Variants in RCC2 observed in about 807,000 individuals in gnomAD.
RCC2 encodes regulator of chromosome condensation 2.
In RCC2, 19 loss-of-function variants were observed where a neutral mutation model predicts 64.1. That is an observed-to-expected ratio of 0.30 (90% CI 0.21 to 0.44). The LOEUF is 0.44. RCC2 is among the 20% of genes least tolerant of loss of function. RCC2 has a pLI of 1.00. For missense variants in RCC2, 508 were observed against 710.4 expected, an observed-to-expected ratio of 0.72 and a Z score of 3.24; for synonymous variants, 325 against 279.6, an observed-to-expected ratio of 1.16 and a Z score of -1.62.
At chr1:17,416,928 TACA>T (rs1209508726) in intron 7 of RCC2, among the ~76,000 whole-genome samples, 3 of 152,240 alleles carry the variant, frequency 2.0e-5, no homozygotes, top group East Asian at 1.9e-4. Context: ...GGCACCATGT[TACA>T]ACAATTCCAG....
rs1557629673 is a variant in RCC2, at chr1:17,425,528, G to GC, written c.523+12dup. 1 of 1,595,206 alleles carries GC rather than the reference G, an allele frequency of 6.3e-7. No homozygotes were observed. Among genetic ancestry groups the GC allele is most frequent in the Admixed American group, 1.7e-5 (1 of 58,486 alleles). ...CAGTGGTCCCCAGTGCCCAGCACCC[G>GC]CACGGTACTCACCCCAGCTCCACAG... On this transcript the variant is annotated intron_variant, in intron 4 of 12. Coordinates refer to ENST00000375436, the MANE Select transcript of RCC2 (RefSeq NM_018715.4).
Position 17,416,583 on chromosome 1 carries a change from A to G in RCC2, c.923T>C (p.Val308Ala). ...AQRIEYDCEL[V>A]PRRVAIFIEK... The stretch of plus-strand genomic sequence containing the variant: ...AATGAAGATGGCCACTCGCCGGGGA[A>G]CTAGTTCACAGTCGTACTCTATCCG... Residue 308 changes from valine (V) to alanine (A), a missense_variant, in exon 8 of 13, where the codon GTT (valine) becomes GCT (alanine). By Grantham distance (64) the Val-to-Ala change is moderately conservative. Coordinates refer to ENST00000375436, the MANE Select transcript of RCC2 (RefSeq NM_018715.4). 3 of 1,614,008 alleles carry G rather than the reference A, an allele frequency of 1.9e-6. No homozygotes were observed. Among genetic ancestry groups the G allele is most frequent in the Non-Finnish European group, 2.5e-6 (3 of 1,180,020 alleles).
chr1:17,416,941 G>C (rs763795389), intron 7 of RCC2, among the ~76,000 whole-genome samples: 2 of 152,170 alleles, frequency 1.3e-5, no homozygotes, highest in Non-Finnish European at 2.9e-5. Flanking sequence ...AACAATTCCA[G>C]GTAAGGTATT....
intron 6 of RCC2, among the ~76,000 whole-genome samples, chr1:17,421,124 G>A (rs2075551706): frequency 6.6e-6 from 1 of 151,974 alleles, no homozygotes. Flanking sequence ...CCACTAATTA[G>A]GCACTTAGCA....
At chr1:17,437,821 C>T (rs567295072) in intron 2 of RCC2, among the ~76,000 whole-genome samples, 313 of 144,796 alleles carry the variant, frequency 2.2e-3, no homozygotes, top group African/African-American at 7.5e-3. Context: ...CGGCCACGGA[C>T]GTGTGGGGCC....
chr1:17,431,493 C>T (rs2075680136), intron 2 of RCC2, among the ~76,000 whole-genome samples: 1 of 84,410 alleles, frequency 1.2e-5, no homozygotes, highest in Non-Finnish European at 2.3e-5. Flanking sequence ...AAAGCCAGCC[C>T]TGTCTCAAAA....
At chr1:17,424,872 C>T (rs1262761903) in intron 4 of RCC2, among the ~76,000 whole-genome samples, 6 of 152,122 alleles carry the variant, frequency 3.9e-5, no homozygotes, top group African/African-American at 9.7e-5. Context: ...ATGGGCCGGC[C>T]GGCTGCAGAG....
At chr1:17,431,355 A>ATAT (rs1354041881) in intron 2 of RCC2, among the ~76,000 whole-genome samples, 1 of 44,632 alleles carries the variant, frequency 2.2e-5, no homozygotes, top group Non-Finnish European at 4.4e-5. Flanking sequence ...AAAAAAAAAA[A>ATAT]AAAAATATAT....
chr1:17,421,230 C>T lies in RCC2; in HGVS notation c.745-402G>A, dbSNP rs114684915. ...AAAAAAAGACTGCCTATCTCCTGGG[C>T]GCGGTGGCTCACACCCAGCACTTTG... On this transcript the variant is annotated intron_variant, in intron 6 of 12. Transcript: ENST00000375436. 5.6e-3 allele frequency among the ~76,000 whole-genome samples: 849 copies of T among 151,988 alleles called. 3 individuals are homozygous for T. The highest frequency in any genetic ancestry group is 8.5e-3 in the Non-Finnish European group (575 of 67,962).
chr1:17,439,043 C>T (rs150958241), intron 1 of RCC2, among the ~76,000 whole-genome samples: 1 of 151,948 alleles, frequency 6.6e-6, no homozygotes, highest in African/African-American at 2.4e-5. Flanking sequence ...CACCCCGCAT[C>T]AGCCCTGGAC....
At chr1:17,418,640 A>G (rs1204220297) in intron 7 of RCC2, among the ~76,000 whole-genome samples, 1 of 151,962 alleles carries the variant, frequency 6.6e-6, no homozygotes, top group Non-Finnish European at 1.5e-5. Flanking sequence ...CTGGTGACAG[A>G]GCAAGACTCC....
rs1269433247 is a variant in RCC2, at chr1:17,413,662, C to T, written c.1082G>A (p.Arg361Gln). ...ATCCTTCTGCTCTGCGTGGCCCAGC[C>T]GGCCATAGCCACCAAAGCCCCAGGA... Reference protein sequence around the residue: ...VFSWGFGGYGRLGHAEQKDEM... With the variant: ...VFSWGFGGYGQLGHAEQKDEM... The change falls in exon 9 of 13, where the codon CGG becomes CAG. Residue 361 changes from arginine (R) to glutamine (Q), a missense_variant. By Grantham distance (43) the Arg-to-Gln change is conservative. This residue lies in a region of RCC2 where 179 missense variants were observed against 322.0 expected (regional missense o/e 0.56). Coordinates refer to ENST00000375436, the MANE Select transcript of RCC2 (RefSeq NM_018715.4). 1.9e-6 allele frequency: 3 copies of T among 1,614,132 alleles called. No homozygotes were observed. The highest frequency in any genetic ancestry group is 1.7e-5 in the Admixed American group (1 of 60,006).
chr1:17,428,202 C>A (rs1394689510), intron 3 of RCC2, among the ~76,000 whole-genome samples: 1 of 152,270 alleles, frequency 6.6e-6, no homozygotes, highest in Non-Finnish European at 1.5e-5. Context: ...GGGCACAGGA[C>A]TGGCAACAAG....
At chr1:17,426,759 CTTTTT>C (rs146347066) in intron 3 of RCC2, among the ~76,000 whole-genome samples, 3 of 110,028 alleles carry the variant, frequency 2.7e-5, no homozygotes, top group Admixed American at 2.0e-4. Flanking sequence ...TCTTACTTTT[CTTTTT>C]TTTTTTTTTT....
At chr1:17,414,701 G>A (rs570025480) in intron 8 of RCC2, among the ~76,000 whole-genome samples, 158 of 151,926 alleles carry the variant, frequency 1.0e-3, no homozygotes, top group Non-Finnish European at 1.6e-3. Context: ...GCACGATCAC[G>A]GCTCACCACA....
At chr1:17,423,523 C>A (rs1026404973) in intron 4 of RCC2, among the ~76,000 whole-genome samples, 2 of 152,234 alleles carry the variant, frequency 1.3e-5, no homozygotes, top group African/African-American at 4.8e-5. Context: ...CAGCGGAAGG[C>A]AGGCCTGAGG....
At chr1:17,416,325 G>C (rs1334292396) in intron 8 of RCC2, among the ~76,000 whole-genome samples, 155 bp downstream of exon 8, 1 of 152,078 alleles carries the variant, frequency 6.6e-6, no homozygotes, top group African/African-American at 2.4e-5. Flanking sequence ...TGGGACCAAG[G>C]ACCCTTTGGC....
chr1:17,437,700 C>T (rs1346619142), intron 2 of RCC2, among the ~76,000 whole-genome samples: 1 of 146,164 alleles, frequency 6.8e-6, no homozygotes, highest in Non-Finnish European at 1.5e-5. Context: ...TCAGGCCCCG[C>T]CCCCCCCGGG....
chr1:17,413,295 A>G, intron 9 of RCC2, 117 bp from the exon 10 acceptor site: 1 of 893,218 alleles, frequency 1.1e-6, no homozygotes, highest in South Asian at 1.5e-5. Context: ...TGTCTAAAAG[A>G]TAACTGGAGC....
Sources: allele counts gnomAD v4.1 joint callset (sites outside exome capture counted in the v4.1 genomes callset), GRCh38; gene constraint gnomAD v4.1.1; regional missense constraint gnomAD v4.1.1; transcripts MANE v1.5; gene names NCBI Gene and HGNC (gene_info 2026-07-23, HGNC 2026-07-21).